Variants in MACROD2 observed in about 807,000 individuals in gnomAD.
MACROD2 encodes mono-ADP ribosylhydrolase 2.
In MACROD2, 36 loss-of-function variants were observed where a neutral mutation model predicts 70.4. The ratio of observed to expected loss-of-function variants is 0.51; its 90% CI spans 0.39 to 0.68. MACROD2 has a LOEUF of 0.68. Among genes scored for constraint, MACROD2 ranks in the 30% least tolerant of loss-of-function variants. The pLI is 0.00. For missense variants in MACROD2, 496 were observed against 538.4 expected (o/e 0.92, Z 0.78); for synonymous variants, 172 against 178.8 (o/e 0.96, Z 0.30).
intron 9 of MACROD2, among the ~76,000 whole-genome samples, chr20:15,872,274 A>G (rs1291020387): frequency 6.6e-6 from 1 of 152,186 alleles, no homozygotes; most frequent in Non-Finnish European, 1.5e-5. Context: ...ATAATAATGA[A>G]GCACACAGTG....
At chr20:14,033,040 A>AT (rs2053263752) in intron 2 of MACROD2, among the ~76,000 whole-genome samples, 1 of 150,828 alleles carries the variant, frequency 6.6e-6, no homozygotes, top group Non-Finnish European at 1.5e-5. Context: ...TCTAATATTT[A>AT]TAAGAAGAAA....
chr20:15,460,491 C>T (rs2046792781), intron 7 of MACROD2, among the ~76,000 whole-genome samples: 2 of 152,112 alleles, frequency 1.3e-5, no homozygotes, highest in Admixed American at 1.3e-4. Flanking sequence ...CCAATGCCAA[C>T]TGAACAGTGC....
In MACROD2 at chr20:14,731,888, G is replaced by A. The variant is rs955804281; in HGVS notation, c.418+46929G>A. Among the ~76,000 whole-genome samples the A allele has an allele frequency of 5.9e-5, 9 of 152,106 alleles. No homozygotes were observed. In the East Asian group the frequency reaches 1.7e-3, roughly 29 times the overall value. On this transcript the variant is annotated intron_variant, in intron 5 of 17. Transcript: ENST00000684519. The stretch of plus-strand genomic sequence containing the variant: ...AGATATTTGCAAAGATTTAAACAAT[G>A]CCATTCTTCTCACTAAATTTTTTGG...
chr20:14,284,521 A>T (rs2082329444), intron 3 of MACROD2, among the ~76,000 whole-genome samples: 1 of 152,172 alleles, frequency 6.6e-6, no homozygotes, highest in Non-Finnish European at 1.5e-5. Flanking sequence ...TCTTGAGAGG[A>T]AGATAGAATT....
intron 5 of MACROD2, among the ~76,000 whole-genome samples, chr20:14,921,288 A>G (rs1380515990): frequency 6.6e-6 from 1 of 152,198 alleles, no homozygotes; most frequent in Admixed American, 6.5e-5. Context: ...TTTGGCATCC[A>G]ACACTTGTTG....
intron 8 of MACROD2, among the ~76,000 whole-genome samples, chr20:15,628,026 A>C (rs2049231986): frequency 6.6e-6 from 1 of 152,200 alleles, no homozygotes; most frequent in African/African-American, 2.4e-5. Flanking sequence ...AGTTGGGAAG[A>C]AGAATTTGAA....
intron 5 of MACROD2, among the ~76,000 whole-genome samples, chr20:14,786,204 T>TAGATAGAGAG (rs376081607): frequency 5.2e-4 from 71 of 135,530 alleles, no homozygotes; most frequent in African/African-American, 1.9e-3. Flanking sequence ...CAGAGAAAGA[T>TAGATAGAGAG]AGAGAGAGAG....
intron 8 of MACROD2, among the ~76,000 whole-genome samples, chr20:15,713,280 C>T (rs2050655279): frequency 6.6e-6 from 1 of 152,208 alleles, no homozygotes; most frequent in South Asian, 2.1e-4. Context: ...CTCCGATCAG[C>T]TCTGGTTCTC....
chr20:15,603,395 C>T (rs2048849927), intron 8 of MACROD2, among the ~76,000 whole-genome samples: 1 of 150,894 alleles, frequency 6.6e-6, no homozygotes, highest in Non-Finnish European at 1.5e-5. Context: ...GTAGTACCAG[C>T]TACTTGGGAA....
At chr20:14,983,900 T>A (rs189132018) in intron 5 of MACROD2, among the ~76,000 whole-genome samples, 30 of 152,336 alleles carry the variant, frequency 2.0e-4, no homozygotes, top group African/African-American at 7.0e-4. Flanking sequence ...TCGGGAAATA[T>A]GACTTTTGAA....
intron 8 of MACROD2, among the ~76,000 whole-genome samples, chr20:15,676,934 T>C (rs952947338): frequency 2.6e-5 from 4 of 152,182 alleles, no homozygotes; most frequent in Admixed American, 2.0e-4. Flanking sequence ...AATAAATGCG[T>C]TGGGTTCATC....
intron 6 of MACROD2, among the ~76,000 whole-genome samples, chr20:15,331,225 C>G (rs562805523): frequency 1.3e-5 from 2 of 151,530 alleles, no homozygotes; most frequent in Non-Finnish European, 2.9e-5. Flanking sequence ...CTGATAAAAT[C>G]GACTTGTTAA....
chr20:15,989,334 G>GCACCATCT (rs1210979832), intron 15 of MACROD2, among the ~76,000 whole-genome samples: 2 of 152,140 alleles, frequency 1.3e-5, no homozygotes, highest in Non-Finnish European at 2.9e-5. Flanking sequence ...TCTCAGGCCA[G>GCACCATCT]CAGTTTTGAT....
At chr20:15,836,660 C>T (rs1352644280) in intron 8 of MACROD2, among the ~76,000 whole-genome samples, 1 of 152,126 alleles carries the variant, frequency 6.6e-6, no homozygotes, top group Non-Finnish European at 1.5e-5. Flanking sequence ...GCTTTCAAAG[C>T]ATAAATGATG....
intron 4 of MACROD2, among the ~76,000 whole-genome samples, chr20:14,576,433 G>A (rs1401218649): frequency 6.6e-6 from 1 of 152,198 alleles, no homozygotes; most frequent in Non-Finnish European, 1.5e-5. Flanking sequence ...TCCCTTGCCA[G>A]TCTATTTCAA....
At chr20:14,736,334 G>A (rs1220698254) in intron 5 of MACROD2, among the ~76,000 whole-genome samples, 1 of 152,112 alleles carries the variant, frequency 6.6e-6, no homozygotes, top group East Asian at 1.9e-4. Flanking sequence ...ACAGGAGTGG[G>A]GAGTGATTGC....
intron 4 of MACROD2, among the ~76,000 whole-genome samples, chr20:14,524,085 A>G (rs1365420103): frequency 2.0e-5 from 3 of 152,222 alleles, no homozygotes; most frequent in Admixed American, 1.3e-4. Context: ...GGTTGATTAT[A>G]TAATTTATTA....
intron 5 of MACROD2, among the ~76,000 whole-genome samples, chr20:15,180,089 A>C (rs954102237): frequency 6.6e-6 from 1 of 152,154 alleles, no homozygotes; most frequent in Non-Finnish European, 1.5e-5. Context: ...TAAAGACACC[A>C]GTCAGATTGC....
At chr20:14,762,971 A>AC (rs1200452670) in intron 5 of MACROD2, among the ~76,000 whole-genome samples, 2 of 152,036 alleles carry the variant, frequency 1.3e-5, no homozygotes, top group Non-Finnish European at 2.9e-5. Context: ...TAAATGACAG[A>AC]CAGGTAAGCT....
Sources: gnomAD v4.1 joint callset for allele counts (sites outside exome capture counted in the v4.1 genomes callset) on GRCh38, gnomAD v4.1.1 for gene constraint, MANE v1.5 for transcripts, NCBI Gene and HGNC (gene_info 2026-07-23, HGNC 2026-07-21) for gene names.